The following ASCC2 variants were observed in gnomAD, a reference collection of about 807,000 sequenced individuals.
ASCC2 encodes ASC-1 complex subunit P100.
Under a neutral mutation model 93.5 loss-of-function variants are expected in ASCC2, and 42 were observed. That is an observed-to-expected ratio of 0.45 (90% CI 0.35 to 0.58). The LOEUF (loss-of-function observed/expected upper bound fraction) is 0.58. Among genes scored for constraint, ASCC2 ranks in the 20% least tolerant of loss-of-function variants. The pLI is 0.00. For missense variants in ASCC2, 859 were observed against 977.6 expected (o/e 0.88, Z 1.62); for synonymous variants, 364 against 384.2 (o/e 0.95, Z 0.62).
intron 5 of ASCC2, among the ~76,000 whole-genome samples, chr22:29,818,710 A>G (rs2061195346): frequency 6.6e-6 from 1 of 152,046 alleles, no homozygotes; most frequent in Non-Finnish European, 1.5e-5. Flanking sequence ...GCAGTAAGTG[A>G]GTAGGCTTTC....
chr22:29,837,071 G>C (rs1047680306), intron 1 of ASCC2, among the ~76,000 whole-genome samples: 2 of 152,214 alleles, frequency 1.3e-5, no homozygotes, highest in Admixed American at 6.5e-5. Context: ...TTAAAAGAGA[G>C]ACCTGGCTTG....
At chr22:29,806,415 G>A in intron 11 of ASCC2, 70 bp downstream of exon 11, 1 of 1,577,236 alleles carries the variant, frequency 6.3e-7, no homozygotes, top group Admixed American at 1.7e-5. Context: ...TATAGCGGGG[G>A]TCTATCATGT....
chr22:29,802,273 C>G, intron 13 of ASCC2, 65 bp from the exon 14 acceptor site: 1 of 1,507,496 alleles, frequency 6.6e-7, no homozygotes, highest in Non-Finnish European at 9.2e-7. Context: ...CCACAGGCCC[C>G]AGACAGCACT....
intron 15 of ASCC2, among the ~76,000 whole-genome samples, chr22:29,796,624 C>T (rs554633600): frequency 6.6e-6 from 1 of 152,276 alleles, no homozygotes; most frequent in South Asian, 2.1e-4. Flanking sequence ...AGAAATCTTT[C>T]ACATCCACCA....
chr22:29,809,002 C>T (rs1468621260), intron 8 of ASCC2, among the ~76,000 whole-genome samples: 2 of 151,536 alleles, frequency 1.3e-5, no homozygotes, highest in Admixed American at 1.3e-4. Context: ...CGCCTGTAAT[C>T]TCAGCTACTC....
At chr22:29,818,658 G>A (rs938246919) in intron 5 of ASCC2, among the ~76,000 whole-genome samples, 45 of 152,180 alleles carry the variant, frequency 3.0e-4, no homozygotes, top group African/African-American at 1.1e-3. Flanking sequence ...GTTTTCATCT[G>A]ATTCTCAAAG....
chr22:29,807,909 A>AAAC (rs1045924954), intron 9 of ASCC2, among the ~76,000 whole-genome samples: 6 of 151,894 alleles, frequency 4.0e-5, no homozygotes, highest in East Asian at 1.9e-4. Context: ...ACCCTGTCTC[A>AAAC]AACAACAACA....
Position 29,802,026 on chromosome 22 carries a change from G to A in ASCC2, c.1536C>T (p.Pro512=), listed in dbSNP as rs768327146. The A allele has an allele frequency of 5.6e-6, 9 of 1,608,182 alleles. No individual in the cohort carries two copies. In the Admixed American group the frequency reaches 8.5e-5, roughly 15 times the overall value. ...GGTTGCGGTCCAGCTGGCTGAGGGT[G>A]GGGGCCAGCCGCTCCTCCAGGATAT... ...INNILEERLA[P]TLSQLDRNLD... Residue 512 remains proline, a synonymous_variant, in exon 14 of 20, where the codon CCC becomes CCT. Coordinates refer to ENST00000307790, the MANE Select transcript of ASCC2 (RefSeq NM_032204.5).
At chr22:29,801,796 C>A (rs1028608593) in intron 14 of ASCC2, among the ~76,000 whole-genome samples, 198 bp downstream of exon 14, 61 of 152,108 alleles carry the variant, frequency 4.0e-4, no homozygotes, top group African/African-American at 1.4e-3. Context: ...TGTACACTCT[C>A]TGCCCTGCCT....
chr22:29,822,243 C>T (rs1057484139), intron 5 of ASCC2, 92 bp downstream of exon 5: 8 of 1,553,154 alleles, frequency 5.2e-6, no homozygotes, highest in African/African-American at 2.7e-5. Flanking sequence ...CCCTGAGTCC[C>T]TGGGCACTGT....
At chr22:29,797,749 A>G (rs889299758) in intron 15 of ASCC2, among the ~76,000 whole-genome samples, 11 of 152,214 alleles carry the variant, frequency 7.2e-5, no homozygotes, top group African/African-American at 2.7e-4. Context: ...GGGCACAGAC[A>G]CTTAAAATAA....
intron 13 of ASCC2, 139 bp downstream of exon 13, chr22:29,804,499 G>T: frequency 1.0e-6 from 1 of 964,188 alleles, no homozygotes; most frequent in Non-Finnish European, 1.6e-6. Flanking sequence ...CTGACCAGTT[G>T]CTTGAGGCTG....
chr22:29,818,928 A>G (rs2061224686), intron 5 of ASCC2, among the ~76,000 whole-genome samples: 1 of 152,102 alleles, frequency 6.6e-6, no homozygotes, highest in Non-Finnish European at 1.5e-5. Flanking sequence ...CCAGCAGCCC[A>G]GCCAGGCTCT....
chr22:29,826,054 T>G, intron 2 of ASCC2: 1 of 304,834 alleles, frequency 3.3e-6, no homozygotes, highest in East Asian at 5.9e-5. Flanking sequence ...CTGTTTAATA[T>G]AATCAGTTTT....
At chr22:29,834,508 CCAGCAGAT>C in intron 1 of ASCC2, 1 of 470,960 alleles carries the variant, frequency 2.1e-6, no homozygotes. Flanking sequence ...CTCTAGGATC[CCAGCAGAT>C]CAGACACACA....
chr22:29,793,722 G>A, intron 15 of ASCC2, 46 bp from the exon 16 acceptor site: 1 of 1,528,136 alleles, frequency 6.5e-7, no homozygotes, highest in East Asian at 2.4e-5. Flanking sequence ...CATCAGGCTT[G>A]GAAGGCCGCA....
chr22:29,834,099 A>G (rs2148418435), intron 1 of ASCC2: 1 of 171,512 alleles, frequency 5.8e-6, no homozygotes, highest in East Asian at 1.7e-4. Context: ...GGTTAGTTCT[A>G]TTATTATCCT....
chr22:29,806,411 G>C, intron 11 of ASCC2, 74 bp downstream of exon 11: 1 of 1,572,854 alleles, frequency 6.4e-7, no homozygotes, highest in South Asian at 1.1e-5. Flanking sequence ...GGCCTATAGC[G>C]GGGGTCTATC....
Position 29,788,972 on chromosome 22 carries a change from A to T in ASCC2, c.*41T>A. ...CAGGCGATGGGAGCACGGCCTGGTG[A>T]GTCTGGTGCCGCTGCCTCCCCACTG... On this transcript the variant is annotated 3_prime_UTR_variant, in exon 20 of 20. Coordinates refer to ENST00000307790, the MANE Select transcript of ASCC2 (RefSeq NM_032204.5). 6.2e-7 allele frequency: 1 copy of T among 1,612,344 alleles called. No individual in the cohort carries two copies. Among genetic ancestry groups the T allele is most frequent in the Non-Finnish European group, 8.5e-7 (1 of 1,178,664 alleles).
Sources: allele counts gnomAD v4.1 joint callset (sites outside exome capture counted in the v4.1 genomes callset), GRCh38; gene constraint gnomAD v4.1.1; transcripts MANE v1.5; gene names NCBI Gene and HGNC (gene_info 2026-07-23, HGNC 2026-07-21).